The following PUS10 variants were observed in gnomAD, a reference collection of about 807,000 sequenced individuals.
PUS10 encodes tRNA pseudouridine synthase Pus10.
In PUS10, 59 loss-of-function variants were observed where a neutral mutation model predicts 75.0. The ratio of observed to expected loss-of-function variants is 0.79; its 90% CI spans 0.64 to 0.98. The LOEUF is 0.98. PUS10 is among the 50% of genes least tolerant of loss of function. The pLI, the probability that PUS10 is intolerant of heterozygous loss-of-function variation, is 0.00. For missense variants in PUS10, 650 were observed against 614.4 expected (o/e 1.06, Z -0.61); for synonymous variants, 219 against 211.6 (o/e 1.03, Z -0.30).
chr2:61,010,991 T>C (rs1679561577), intron 2 of PUS10: 2 of 1,403,020 alleles, frequency 1.4e-6, no homozygotes, highest in Non-Finnish European at 1.9e-6. Context: ...TTGTGTATTA[T>C]TATTGCCAAA....
chr2:60,982,239 GATTT>G lies in PUS10; in HGVS notation c.469-10686_469-10683del, dbSNP rs1362881016. On this transcript the variant is annotated intron_variant, in intron 4 of 17. Coordinates refer to ENST00000316752, the MANE Select transcript of PUS10 (RefSeq NM_144709.4). Reference sequence around the variant, plus strand: ...AAATCTGTCTTTATCTTGATCCCTGGATTTATTTATTTATTTTATTTATTTATTT... The same window carrying G: ...AAATCTGTCTTTATCTTGATCCCTGGATTTATTTATTTTATTTATTTATTT... Among the ~76,000 whole-genome samples, 4 of 151,766 alleles carry G rather than the reference GATTT, an allele frequency of 2.6e-5. No homozygotes were observed. The East Asian group carries it at 7.7e-4, about 29-fold the overall frequency.
intron 4 of PUS10, among the ~76,000 whole-genome samples, chr2:60,988,247 A>G (rs1298945032): frequency 1.3e-5 from 2 of 152,214 alleles, no homozygotes; most frequent in Non-Finnish European, 2.9e-5. Context: ...CCTCCATTAC[A>G]TAACCTTAAA....
At chr2:60,996,139 G>A (rs1470569247) in intron 4 of PUS10, among the ~76,000 whole-genome samples, 1 of 152,154 alleles carries the variant, frequency 6.6e-6, no homozygotes, top group South Asian at 2.1e-4. Context: ...AATGTGATTT[G>A]TTCCTCCTTG....
chr2:60,990,964 T>C (rs1226491489), intron 4 of PUS10, among the ~76,000 whole-genome samples: 1 of 152,184 alleles, frequency 6.6e-6, no homozygotes, highest in African/African-American at 2.4e-5. Context: ...CAGGCTGGTC[T>C]TGAACTCCTG....
At chr2:61,014,109 C>A (rs1679812875) in intron 1 of PUS10, among the ~76,000 whole-genome samples, 1 of 152,154 alleles carries the variant, frequency 6.6e-6, no homozygotes, top group African/African-American at 2.4e-5. Context: ...CGCAGTGGCT[C>A]ACACCTGTAA....
chr2:61,011,008 G>A, intron 2 of PUS10: 2 of 1,295,034 alleles, frequency 1.5e-6, no homozygotes, highest in Non-Finnish European at 2.1e-6. Flanking sequence ...CAAAATAATA[G>A]AAACAACTAA....
intron 2 of PUS10, 129 bp from the exon 3 acceptor site, chr2:61,009,144 A>C (rs1276356505): frequency 1.3e-6 from 1 of 755,624 alleles, no homozygotes; most frequent in African/African-American, 1.8e-5. Context: ...TTGACATATC[A>C]ATTCTGAAGC....
At chr2:60,961,355 T>C in intron 10 of PUS10, 108 bp downstream of exon 10, 1 of 855,404 alleles carries the variant, frequency 1.2e-6, no homozygotes. Context: ...AGTAAACTTA[T>C]TAGAATCTAA....
At chr2:60,998,392 T>G (rs982706293) in intron 4 of PUS10, among the ~76,000 whole-genome samples, 2 of 152,148 alleles carry the variant, frequency 1.3e-5, no homozygotes, top group African/African-American at 4.8e-5. Flanking sequence ...TTTTCCAGAA[T>G]TTAAAAAGAC....
intron 4 of PUS10, among the ~76,000 whole-genome samples, chr2:60,995,211 A>C (rs987190838): frequency 1.3e-5 from 2 of 152,162 alleles, no homozygotes; most frequent in Non-Finnish European, 2.9e-5. Context: ...TGATAACACC[A>C]CCTACTTTAA....
chr2:60,959,458 T>A (rs1675881352), intron 11 of PUS10, among the ~76,000 whole-genome samples: 1 of 152,172 alleles, frequency 6.6e-6, no homozygotes, highest in African/African-American at 2.4e-5. Context: ...TAGTGCGAGC[T>A]CAGCACACTG....
intron 4 of PUS10, among the ~76,000 whole-genome samples, chr2:60,990,739 ATTTTC>A (rs1011275737): frequency 3.3e-5 from 5 of 151,848 alleles, no homozygotes; most frequent in African/African-American, 1.2e-4. Flanking sequence ...CAATGTCCAA[ATTTTC>A]TTTTCTTTTC....
intron 11 of PUS10, among the ~76,000 whole-genome samples, chr2:60,959,996 T>C (rs1474145108): frequency 1.3e-5 from 2 of 150,226 alleles, no homozygotes; most frequent in African/African-American, 4.9e-5. Context: ...CTGGGCAACA[T>C]AGTGAGACCC....
intron 17 of PUS10, among the ~76,000 whole-genome samples, chr2:60,943,991 T>C (rs1674785511): frequency 6.6e-6 from 1 of 151,962 alleles, no homozygotes; most frequent in Non-Finnish European, 1.5e-5. Context: ...ACGCCAGGCA[T>C]AGTGGCTCAT....
Position 60,962,870 on chromosome 2 carries a change from T to G in PUS10, c.744A>C (p.Ala248=), listed in dbSNP as rs1280675643. Residue 248 remains alanine (A), a synonymous_variant, in exon 9 of 18, where the codon GCA becomes GCC. Coordinates refer to ENST00000316752, the MANE Select transcript of PUS10 (RefSeq NM_144709.4). ...KNKQSVFTRM[A]VMKALNKIKE... ...TTATCTTATTCAAGGCTTTCATAAC[T>G]GCCATTCTAGTGAATACAGACTATA... is the stretch of plus-strand genomic sequence containing the variant. The G allele has an allele frequency of 6.4e-7, 1 of 1,570,120 alleles. No homozygotes were observed. Among genetic ancestry groups the G allele is most frequent in the Non-Finnish European group, 8.6e-7 (1 of 1,164,526 alleles).
intron 1 of PUS10, among the ~76,000 whole-genome samples, chr2:61,014,034 A>T (rs944067901): frequency 2.0e-5 from 3 of 151,994 alleles, no homozygotes; most frequent in Admixed American, 6.6e-5. Context: ...ACTAAATGGC[A>T]ACCACCTGTT....
intron 16 of PUS10, among the ~76,000 whole-genome samples, chr2:60,946,387 C>A (rs1482545386): frequency 1.3e-5 from 2 of 152,170 alleles, no homozygotes; most frequent in Non-Finnish European, 1.5e-5. Context: ...CATAGTCTTT[C>A]TTGGCTAATA....
At chr2:61,015,010 A>T (rs1679875664) in intron 1 of PUS10, among the ~76,000 whole-genome samples, 1 of 152,218 alleles carries the variant, frequency 6.6e-6, no homozygotes, top group Admixed American at 6.5e-5. Context: ...CCTCTGGCTG[A>T]ATTCTAATTC....
chr2:61,006,492 C>A, intron 4 of PUS10, 65 bp downstream of exon 4: 1 of 1,179,608 alleles, frequency 8.5e-7, no homozygotes, highest in South Asian at 1.3e-5. Context: ...TTTCTACATT[C>A]CCATTTTTTG....
Sources: allele counts gnomAD v4.1 joint callset (sites outside exome capture counted in the v4.1 genomes callset), GRCh38; gene constraint gnomAD v4.1.1; transcripts MANE v1.5; gene names NCBI Gene and HGNC (gene_info 2026-07-23, HGNC 2026-07-21).